TNS3: variants seen among roughly 807,000 people sequenced by gnomAD.
TNS3 encodes the protein tensin 3.
TNS3 carries 45 observed loss-of-function variants against 140.9 expected under a neutral mutation model. The ratio of observed to expected loss-of-function variants is 0.32; its 90% CI spans 0.25 to 0.41. TNS3 has a LOEUF of 0.41. Ranked by LOEUF, TNS3 falls within the 10% of genes least tolerant of loss-of-function variation. TNS3 has a pLI of 1.00. For missense variants in TNS3, 1,716 were observed against 1,906.7 expected (o/e 0.90, Z 1.86); for synonymous variants, 815 against 788.4 (o/e 1.03, Z -0.56).
intron 13 of TNS3, 110 bp downstream of exon 13, chr7:47,411,617 A>AC: frequency 1.8e-6 from 2 of 1,130,532 alleles, no homozygotes; most frequent in Non-Finnish European, 2.5e-6. Flanking sequence ...CCTACAGGGT[A>AC]CTTTTTTTGG....
At chr7:47,330,885 G>A (rs561793458) in intron 20 of TNS3, among the ~76,000 whole-genome samples, 23 of 152,178 alleles carry the variant, frequency 1.5e-4, no homozygotes, top group African/African-American at 3.6e-4. Context: ...CCACCAGCCC[G>A]CACTGCCTGT....
chr7:47,359,423 T>C (rs1366115962), intron 17 of TNS3, among the ~76,000 whole-genome samples: 1 of 152,160 alleles, frequency 6.6e-6, no homozygotes, highest in East Asian at 1.9e-4. Flanking sequence ...TCAGGGGGTA[T>C]AAGGTTTCCC....
At chr7:47,483,617 G>A (rs1349856675) in intron 3 of TNS3, among the ~76,000 whole-genome samples, 10 of 152,322 alleles carry the variant, frequency 6.6e-5, no homozygotes, top group South Asian at 2.1e-4. Flanking sequence ...TTTTAAAGAC[G>A]GCAGCCACTT....
chr7:47,494,844 A>G lies in TNS3; in HGVS notation c.-115+12063T>C, dbSNP rs552470437. Reference sequence around the variant, plus strand: ...CCCTGCCTAAAATTAACTGCTTTACAAAAGGGGGGAAGGGGAAACCCATGG... The same window carrying G: ...CCCTGCCTAAAATTAACTGCTTTACGAAAGGGGGGAAGGGGAAACCCATGG... On this transcript the variant is annotated intron_variant, in intron 3 of 30. Coordinates refer to ENST00000311160, the MANE Select transcript of TNS3 (RefSeq NM_022748.12). Among the ~76,000 whole-genome samples, 14 of 152,298 alleles carry G rather than the reference A, an allele frequency of 9.2e-5. No homozygotes were observed. The South Asian group carries it at 1.9e-3, about 20-fold the overall frequency.
chr7:47,400,381 C>T lies in TNS3; in HGVS notation c.919+12G>A, dbSNP rs368836299. ...CAGCAAGGACCACCCAGTATTCCACCAAGCTACCCACCTTGAATCTTCTCA... is the reference window on the plus strand; with the variant it reads ...CAGCAAGGACCACCCAGTATTCCACTAAGCTACCCACCTTGAATCTTCTCA... On this transcript the variant is annotated intron_variant, in intron 15 of 30. Coordinates refer to ENST00000311160, the MANE Select transcript of TNS3 (RefSeq NM_022748.12). The T allele has an allele frequency of 3.0e-5, 48 of 1,613,688 alleles. 1 individual carries two copies. In the South Asian group the frequency reaches 3.4e-4, roughly 11 times the overall value.
At chr7:47,489,838 T>C (rs929928811) in intron 3 of TNS3, among the ~76,000 whole-genome samples, 1 of 152,164 alleles carries the variant, frequency 6.6e-6, no homozygotes, top group Non-Finnish European at 1.5e-5. Context: ...CCCAAACGCC[T>C]TCCTGCAGTG....
intron 16 of TNS3, among the ~76,000 whole-genome samples, chr7:47,394,177 G>A (rs1375223124): frequency 6.6e-6 from 1 of 152,222 alleles, no homozygotes; most frequent in Non-Finnish European, 1.5e-5. Flanking sequence ...AACACGCATT[G>A]AGTATCTGCT....
chr7:47,450,760 A>G lies in TNS3; in HGVS notation c.-75-8705T>C, dbSNP rs1584689689. Among the ~76,000 whole-genome samples the G allele has an allele frequency of 3.3e-5, 5 of 152,362 alleles. 1 individual carries two copies. The highest frequency in any genetic ancestry group is 3.3e-4 in the Admixed American group (5 of 15,306). On this transcript the variant is annotated intron_variant, in intron 4 of 30. Transcript: ENST00000311160. The stretch of plus-strand genomic sequence containing the variant: ...CTTACCCAGGGGCCAATATGGGTGC[A>G]GGGCAGTGCCAGGATAGGTTAAACA...
At chr7:47,313,341 G>A (rs1021937914) in intron 20 of TNS3, among the ~76,000 whole-genome samples, 4 of 152,194 alleles carry the variant, frequency 2.6e-5, no homozygotes, top group African/African-American at 7.2e-5. Context: ...AACTAGCAAA[G>A]GCTTAGAGGT....
chr7:47,282,309 T>C (rs920121270), intron 28 of TNS3, among the ~76,000 whole-genome samples: 4 of 150,916 alleles, frequency 2.7e-5, no homozygotes, highest in African/African-American at 9.8e-5. Flanking sequence ...GAGTCTACCA[T>C]GCAGATGAGC....
intron 20 of TNS3, among the ~76,000 whole-genome samples, chr7:47,323,579 A>G (rs906620663): frequency 6.6e-6 from 1 of 152,248 alleles, no homozygotes; most frequent in African/African-American, 2.4e-5. Flanking sequence ...CATTCTTCTC[A>G]TGAGTTTCTT....
intron 1 of TNS3, among the ~76,000 whole-genome samples, chr7:47,575,773 A>G (rs1800659965): frequency 7.3e-6 from 1 of 137,758 alleles, no homozygotes; most frequent in African/African-American, 2.7e-5. Context: ...CAGTAAGCTG[A>G]GATTGTACCA....
chr7:47,330,670 T>C (rs539959146), intron 20 of TNS3, among the ~76,000 whole-genome samples: 4 of 151,928 alleles, frequency 2.6e-5, no homozygotes, highest in African/African-American at 9.7e-5. Context: ...AGTTTCCCTT[T>C]CGGAGGAAGA....
chr7:47,409,659 CT>C (rs201245627), intron 13 of TNS3, among the ~76,000 whole-genome samples: 7 of 149,164 alleles, frequency 4.7e-5, no homozygotes, highest in Non-Finnish European at 7.5e-5. Flanking sequence ...TTGGCCTATT[CT>C]TTTTTTTTTA....
At chr7:47,313,001 C>A (rs1397001676) in intron 20 of TNS3, among the ~76,000 whole-genome samples, 1 of 152,204 alleles carries the variant, frequency 6.6e-6, no homozygotes, top group Non-Finnish European at 1.5e-5. Flanking sequence ...ACAGGGAGTG[C>A]CTGCGTGTCC....
chr7:47,418,321 G>A (rs1166319010), intron 10 of TNS3, among the ~76,000 whole-genome samples: 2 of 151,976 alleles, frequency 1.3e-5, no homozygotes, highest in African/African-American at 4.8e-5. Context: ...AAGAAAAGAA[G>A]GGGAAATGAA....
In TNS3 at chr7:47,439,692, G is replaced by A. The variant is rs151005955; in HGVS notation, c.-22-34C>T. 1,225 of 1,606,850 alleles carry A rather than the reference G, an allele frequency of 7.6e-4. 16 individuals carry two copies. The East Asian group carries it at 0.023, about 31-fold the overall frequency. On this transcript the variant is annotated intron_variant, in intron 5 of 30. Transcript: ENST00000311160. Reference sequence around the variant, plus strand: ...GAGCAGTGGGCAGATCAGAAACAGGGTAAGGAGGCAGCAGACATTCATCCT... The same window carrying A: ...GAGCAGTGGGCAGATCAGAAACAGGATAAGGAGGCAGCAGACATTCATCCT...
chr7:47,517,986 A>G (rs1562823269), intron 2 of TNS3, among the ~76,000 whole-genome samples: 1 of 152,214 alleles, frequency 6.6e-6, no homozygotes, highest in Non-Finnish European at 1.5e-5. Context: ...ATAATCAATC[A>G]ATCAAGAATC....
In TNS3 at chr7:47,439,556, C is replaced by A; in HGVS notation, c.81G>T (p.Glu27Asp). The change falls in exon 6 of 31, where the codon GAG (glutamate) becomes GAT (aspartate). Residue 27 changes from glutamate (E) to aspartate (D), a missense_variant. Coordinates refer to ENST00000311160, the MANE Select transcript of TNS3 (RefSeq NM_022748.12). ...IAVSFPAGCS[E>D]ESYLHNLQEV... ...CCTGTAGGTTGTGCAGGTAGGACTC[C>A]TCAGAGCAGCCGGCAGGGAAGGACA... 1 of 1,614,078 alleles carries A rather than the reference C, an allele frequency of 6.2e-7. No homozygotes were observed. The highest frequency in any genetic ancestry group is 8.5e-7 in the Non-Finnish European group (1 of 1,180,008).
Sources: allele counts gnomAD v4.1 joint callset (sites outside exome capture counted in the v4.1 genomes callset), GRCh38; gene constraint gnomAD v4.1.1; transcripts MANE v1.5; gene names NCBI Gene and HGNC (gene_info 2026-07-23, HGNC 2026-07-21).